ZFHX3: variants seen among roughly 807,000 people sequenced by gnomAD.
ZFHX3 encodes zinc finger homeobox 3.
In ZFHX3, 42 loss-of-function variants were observed where a neutral mutation model predicts 279.1. The ratio of observed to expected loss-of-function variants is 0.15; its 90% CI spans 0.12 to 0.19. ZFHX3 has a LOEUF of 0.19. Among genes scored for constraint, ZFHX3 ranks in the 10% least tolerant of loss-of-function variants. ZFHX3 has a pLI of 1.00. For synonymous variants in ZFHX3, 2,293 were observed against 1,957.8 expected, an observed-to-expected ratio of 1.17 and a Z score of -4.52; for missense variants, 4,981 against 4,754.0, an observed-to-expected ratio of 1.05 and a Z score of -1.40.
At chr16:73,721,356 A>G (rs912834754) in intron 1 of ZFHX3, among the ~76,000 whole-genome samples, 5 of 152,152 alleles carry the variant, frequency 3.3e-5, no homozygotes, top group Admixed American at 6.5e-5. Context: ...TCCTGACCTC[A>G]GGTGATCTGC....
chr16:73,034,946 T>C (rs531223814), intron 1 of ZFHX3, among the ~76,000 whole-genome samples: 46 of 152,254 alleles, frequency 3.0e-4, no homozygotes, highest in Non-Finnish European at 4.4e-4. Context: ...CCCCAGTAAA[T>C]GCAAGCAGCT....
At chr16:73,243,879 T>A (rs2013201628) in intron 5 of ZFHX3, among the ~76,000 whole-genome samples, 2 of 152,174 alleles carry the variant, frequency 1.3e-5, no homozygotes, top group African/African-American at 4.8e-5. Flanking sequence ...ATAAATGTTT[T>A]CTAAGAAGCT....
intron 3 of ZFHX3, among the ~76,000 whole-genome samples, chr16:73,334,018 A>G (rs746482057): frequency 5.3e-5 from 8 of 152,070 alleles, no homozygotes; most frequent in Non-Finnish European, 5.9e-5. Context: ...CCCACTCACG[A>G]AGGAGGGAGA....
intron 1 of ZFHX3, among the ~76,000 whole-genome samples, chr16:73,872,671 A>G (rs2029865477): frequency 7.0e-6 from 1 of 141,868 alleles, no homozygotes; most frequent in Admixed American, 7.3e-5. Context: ...CTCTCTCTCC[A>G]TGTGGGGCTT....
At chr16:73,573,195 C>T (rs1443220074) in intron 2 of ZFHX3, among the ~76,000 whole-genome samples, 2 of 152,106 alleles carry the variant, frequency 1.3e-5, no homozygotes, top group East Asian at 1.9e-4. Flanking sequence ...GCCGCAGGCG[C>T]CCCCAGAAGT....
At chr16:72,906,405 A>T (rs945660121) in intron 3 of ZFHX3, among the ~76,000 whole-genome samples, 3 of 152,016 alleles carry the variant, frequency 2.0e-5, no homozygotes, top group Non-Finnish European at 2.9e-5. Flanking sequence ...GGTGGGGAGC[A>T]TCGCCAATCT....
intron 2 of ZFHX3, among the ~76,000 whole-genome samples, chr16:73,491,714 G>A (rs978865249): frequency 4.6e-5 from 7 of 152,206 alleles, no homozygotes; most frequent in African/African-American, 1.7e-4. Context: ...TTGTCAACTA[G>A]GGACAAAATT....
rs200992486 is a variant in ZFHX3 at position 72,787,445 on chromosome 16, G to C, written c.10831C>G (p.His3611Asp). 11 of 1,604,090 alleles carry C rather than the reference G, an allele frequency of 6.9e-6. No homozygotes were observed. Among genetic ancestry groups the C allele is most frequent in the South Asian group, 1.1e-5 (1 of 90,414 alleles). Reference protein sequence around the residue: ...SAAAPSSASPHASRKSWPQVV... With the variant: ...SAAAPSSASPDASRKSWPQVV... ...TGCGGCCAAGACTTCCTGGAGGCGT[G>C]GGGGGAAGCGGAGGAGGGGGCGGCG... The change falls in exon 10 of 10, where the codon CAC becomes GAC. Residue 3611 changes from histidine to aspartate, a missense_variant. Coordinates refer to ENST00000268489, the MANE Select transcript of ZFHX3 (RefSeq NM_006885.4).
chr16:73,856,482 G>C (rs958746302), intron 1 of ZFHX3, among the ~76,000 whole-genome samples: 2 of 152,186 alleles, frequency 1.3e-5, no homozygotes, highest in African/African-American at 4.8e-5. Flanking sequence ...AATCAAGGAT[G>C]AGATTAATGG....
In ZFHX3 at chr16:73,755,106, A is replaced by C. The variant is rs552674466; in HGVS notation, c.-1607-74866T>G. ...TGGATGAATGATAAATTCATTCATC[A>C]TTCGATGGTTTGAATCCAGGAAACT... On this transcript the variant is annotated intron_variant, in intron 1 of 17. Transcript: ENST00000641206. Among the ~76,000 whole-genome samples, 3 of 152,340 alleles carry C rather than the reference A, an allele frequency of 2.0e-5. No homozygotes were observed. The East Asian group carries it at 5.8e-4, about 29-fold the overall frequency.
intron 4 of ZFHX3, among the ~76,000 whole-genome samples, chr16:73,285,197 G>A (rs972174264): frequency 1.3e-5 from 2 of 152,206 alleles, no homozygotes; most frequent in African/African-American, 4.8e-5. Flanking sequence ...AGTTTTGGTT[G>A]GGTGGGAGGA....
chr16:73,348,232 G>A (rs2016157092), intron 3 of ZFHX3, among the ~76,000 whole-genome samples: 1 of 151,878 alleles, frequency 6.6e-6, no homozygotes, highest in African/African-American at 2.4e-5. Context: ...CGAAGCACTC[G>A]GCTTCTCCAA....
Position 72,783,682 on chromosome 16 carries a change from C to T in ZFHX3, c.*3482G>A, listed in dbSNP as rs1358018162. 3 of 152,146 alleles carry T rather than the reference C, an allele frequency of 2.0e-5. No individual in the cohort carries two copies. Among genetic ancestry groups the T allele is most frequent in the Non-Finnish European group, 4.4e-5 (3 of 68,018 alleles). 9.4% of individuals were successfully genotyped at this position (152,146 alleles called of 1,614,324 possible). A position where few individuals can be genotyped will look rare whatever the true frequency, so the allele number is the denominator to read the frequency against. Reference sequence around the variant, plus strand: ...AAAGATGGATGAAATAACTCCCATTCTGTGGGTCAGACTGGTGTCTAGCAC... The same window carrying T: ...AAAGATGGATGAAATAACTCCCATTTTGTGGGTCAGACTGGTGTCTAGCAC... On this transcript the variant is annotated 3_prime_UTR_variant, in exon 10 of 10. Transcript: ENST00000268489.
chr16:73,351,284 C>T (rs560159844), intron 3 of ZFHX3, among the ~76,000 whole-genome samples: 1 of 152,342 alleles, frequency 6.6e-6, no homozygotes, highest in Admixed American at 6.5e-5. Context: ...GGAGAGGTCA[C>T]CGCACTGGGC....
intron 1 of ZFHX3, among the ~76,000 whole-genome samples, chr16:73,821,616 G>A (rs894008311): frequency 1.3e-4 from 20 of 152,196 alleles, no homozygotes; most frequent in Admixed American, 3.3e-4. Flanking sequence ...CTTGAACCTG[G>A]TAGCCTACCT....
At chr16:73,784,431 T>C (rs996631266) in intron 1 of ZFHX3, among the ~76,000 whole-genome samples, 9 of 152,084 alleles carry the variant, frequency 5.9e-5, no homozygotes, top group African/African-American at 2.2e-4. Flanking sequence ...GAAAGACAGA[T>C]GCTGTCTTCC....
chr16:73,483,696 G>A (rs945592464), intron 2 of ZFHX3, among the ~76,000 whole-genome samples: 1 of 152,152 alleles, frequency 6.6e-6, no homozygotes, highest in Non-Finnish European at 1.5e-5. Flanking sequence ...TTCCTGGTAT[G>A]TATAGTATGC....
chr16:73,031,260 G>A (rs748192089), intron 1 of ZFHX3, among the ~76,000 whole-genome samples: 4 of 151,648 alleles, frequency 2.6e-5, no homozygotes, highest in Non-Finnish European at 4.4e-5. Flanking sequence ...CCAGGTAGCC[G>A]ACCAAAAAAG....
At chr16:73,626,759 A>C (rs1240915579) in intron 2 of ZFHX3, among the ~76,000 whole-genome samples, 1 of 151,970 alleles carries the variant, frequency 6.6e-6, no homozygotes, top group Non-Finnish European at 1.5e-5. Context: ...TTTTTCACTG[A>C]CTCTGCACTC....
Sources: allele counts gnomAD v4.1 joint callset (sites outside exome capture counted in the v4.1 genomes callset), GRCh38; gene constraint gnomAD v4.1.1; transcripts MANE v1.5; gene names NCBI Gene and HGNC (gene_info 2026-07-23, HGNC 2026-07-21).